Variants in NUP54 observed in about 807,000 individuals in gnomAD.
NUP54 encodes nucleoporin 54.
Under a neutral mutation model 66.4 loss-of-function variants are expected in NUP54, and 27 were observed. The ratio of observed to expected loss-of-function variants is 0.41; its 90% CI spans 0.30 to 0.56. The LOEUF is 0.56. NUP54 is among the 20% of genes least tolerant of loss of function. The probability of loss-of-function intolerance (pLI) is 0.34; values close to 1 mark genes in which losing one functional copy is unlikely to be tolerated. For synonymous variants in NUP54, 206 were observed against 210.7 expected (o/e 0.98, Z 0.19); for missense variants, 486 against 596.3 (o/e 0.82, Z 1.93).
At chr4:76,142,119 C>T (rs1194551814) in intron 3 of NUP54, among the ~76,000 whole-genome samples, 2 of 152,086 alleles carry the variant, frequency 1.3e-5, no homozygotes, top group African/African-American at 2.4e-5. Flanking sequence ...GATTCAAATT[C>T]CCATTTTCCT....
At chr4:76,135,042 G>A (rs899399035) in intron 4 of NUP54, among the ~76,000 whole-genome samples, 17 of 152,070 alleles carry the variant, frequency 1.1e-4, no homozygotes, top group Non-Finnish European at 2.2e-4. Context: ...ATAAGTTGAG[G>A]AGTATCTGTA....
intron 3 of NUP54, among the ~76,000 whole-genome samples, chr4:76,143,430 T>A (rs1224308534): frequency 6.6e-6 from 1 of 152,010 alleles, no homozygotes; most frequent in Non-Finnish European, 1.5e-5. Context: ...ATGGTAAAAC[T>A]CCGTCTCTAC....
chr4:76,134,130 A>G (rs113233037), intron 5 of NUP54, 45 bp downstream of exon 5: 246 of 1,404,976 alleles, frequency 1.8e-4, no homozygotes, highest in Admixed American at 3.5e-4. Flanking sequence ...CCTTAGGACC[A>G]GAAATAAATA....
Position 76,125,340 on chromosome 4 carries a change from A to ACGCGCGCG in NUP54, c.1057-585_1057-584insCGCGCGCG, listed in dbSNP as rs1236278261. Among the ~76,000 whole-genome samples the ACGCGCGCG allele has an allele frequency of 3.1e-4, 46 of 148,890 alleles. 2 individuals are homozygous for ACGCGCGCG. The South Asian group carries it at 4.9e-3, about 16-fold the overall frequency. On this transcript the variant is annotated intron_variant, in intron 8 of 11. Coordinates refer to ENST00000264883, the MANE Select transcript of NUP54 (RefSeq NM_017426.4). ...ATCACACACACACACACACACACAC[A>ACGCGCGCG]CACACACACACGGCTGGGCACAGTG...
intron 9 of NUP54, among the ~76,000 whole-genome samples, chr4:76,119,368 G>T (rs1352442952): frequency 6.6e-6 from 1 of 151,840 alleles, no homozygotes; most frequent in Non-Finnish European, 1.5e-5. Context: ...CTGTGACATG[G>T]TTCCTTTTTT....
chr4:76,136,459 AC>A, intron 3 of NUP54, 47 bp from the exon 4 acceptor site: 2 of 1,510,730 alleles, frequency 1.3e-6, no homozygotes, highest in Non-Finnish European at 1.8e-6. Context: ...ACAAAACAAA[AC>A]TTAATCCAGA....
chr4:76,118,946 C>T (rs1479130181), intron 9 of NUP54, among the ~76,000 whole-genome samples: 1 of 152,012 alleles, frequency 6.6e-6, no homozygotes, highest in Non-Finnish European at 1.5e-5. Context: ...GCAGAGCTTG[C>T]AGTGAGCCTA....
At chr4:76,145,191 G>A (rs189934213) in intron 1 of NUP54, among the ~76,000 whole-genome samples, 19,316 of 150,650 alleles carry the variant, frequency 0.13, 1,466 homozygotes, top group East Asian at 0.34. Flanking sequence ...GGCGGCGGGC[G>A]CCTGTAGTCC....
intron 4 of NUP54, among the ~76,000 whole-genome samples, chr4:76,134,854 A>C (rs376141508): frequency 3.3e-5 from 5 of 152,118 alleles, no homozygotes; most frequent in African/African-American, 1.2e-4. Context: ...AATTATTATT[A>C]TTATAAGATG....
At chr4:76,145,410 G>T in intron 1 of NUP54, 1 of 221,638 alleles carries the variant, frequency 4.5e-6, no homozygotes, top group African/African-American at 2.4e-5. Context: ...AAAACAGCAT[G>T]CCAAACATAT....
chr4:76,119,201 G>A (rs1431263599), intron 9 of NUP54, among the ~76,000 whole-genome samples: 2 of 151,876 alleles, frequency 1.3e-5, no homozygotes, highest in African/African-American at 4.8e-5. Flanking sequence ...TACTTGTTAA[G>A]AAACAATACG....
chr4:76,123,644 CTG>C, intron 9 of NUP54, among the ~76,000 whole-genome samples: 1 of 152,228 alleles, frequency 6.6e-6, no homozygotes, highest in Non-Finnish European at 1.5e-5. Flanking sequence ...TCCCAAGTAA[CTG>C]GAACTACAGG....
intron 10 of NUP54, 97 bp from the exon 11 acceptor site, chr4:76,117,871 A>C: frequency 9.0e-7 from 1 of 1,113,600 alleles, no homozygotes; most frequent in Non-Finnish European, 1.3e-6. Flanking sequence ...CATCTATTAA[A>C]AATTTCTATT....
At chr4:76,135,609 C>T (rs1731006540) in intron 4 of NUP54, among the ~76,000 whole-genome samples, 1 of 152,134 alleles carries the variant, frequency 6.6e-6, no homozygotes, top group South Asian at 2.1e-4. Context: ...CCAACGTAGG[C>T]CAATATAACT....
At position 76,132,036 on chromosome 4, in the gene NUP54, T is replaced by C. The variant is rs374556145; in HGVS notation, c.907+487A>G. On this transcript the variant is annotated intron_variant, in intron 6 of 11. Transcript: ENST00000264883. ...AGAATCCTTTTTTAAAAGATCTACA[T>C]GTAAATATGCTTACATTTCAAATCA... Among the ~76,000 whole-genome samples, 25 of 152,142 alleles carry C rather than the reference T, an allele frequency of 1.6e-4. No individual in the cohort carries two copies. The East Asian group carries it at 4.4e-3, about 27-fold the overall frequency.
chr4:76,130,285 C>T (rs1048899050), intron 8 of NUP54, among the ~76,000 whole-genome samples: 8 of 152,032 alleles, frequency 5.3e-5, no homozygotes, highest in Admixed American at 2.0e-4. Flanking sequence ...TATATTTAAG[C>T]ATTAATTTTA....
intron 3 of NUP54, among the ~76,000 whole-genome samples, chr4:76,136,878 C>A (rs1731062217): frequency 6.6e-6 from 1 of 152,192 alleles, no homozygotes; most frequent in South Asian, 2.1e-4. Flanking sequence ...TCTCCAGAAA[C>A]TATAAAATAA....
chr4:76,147,592 A>G (rs1297679218), intron 1 of NUP54: 17 of 1,289,674 alleles, frequency 1.3e-5, no homozygotes, highest in Non-Finnish European at 1.7e-5. Context: ...GAAACCCCCA[A>G]AATTAAACCC....
At chr4:76,120,083 A>G (rs73826326) in intron 9 of NUP54, among the ~76,000 whole-genome samples, 1,523 of 152,262 alleles carry the variant, frequency 0.01, 24 homozygotes, top group African/African-American at 0.033. Flanking sequence ...GTCTTGATGG[A>G]TATACATTTT....
Sources: gnomAD v4.1 joint callset for allele counts (sites outside exome capture counted in the v4.1 genomes callset) on GRCh38, gnomAD v4.1.1 for gene constraint, MANE v1.5 for transcripts, NCBI Gene and HGNC (gene_info 2026-07-23, HGNC 2026-07-21) for gene names.